Variants in MTA3 observed in about 807,000 individuals in gnomAD.
The protein encoded by MTA3 is metastasis associated 1 family member 3.
MTA3 carries 34 observed loss-of-function variants against 83.5 expected under a neutral mutation model. That is an observed-to-expected ratio of 0.41 (90% CI 0.31 to 0.54). The LOEUF is 0.54. MTA3 is among the 20% of genes least tolerant of loss of function. The pLI is 0.33. For synonymous variants in MTA3, 303 were observed against 252.7 expected (o/e 1.20, Z -1.89); for missense variants, 761 against 726.4 (o/e 1.05, Z -0.55).
At chr2:42,729,086 G>GTTTTTTGTTT (rs1430675726) in intron 16 of MTA3, among the ~76,000 whole-genome samples, 699 of 60,104 alleles carry the variant, frequency 0.012, 135 homozygotes, top group Admixed American at 0.016. Flanking sequence ...CACAGTTTGA[G>GTTTTTTGTTT]TTTTTTTTTT....
chr2:42,695,887 TTC>T lies in MTA3; in HGVS notation c.966+50_966+51del, dbSNP rs1223083569. The T allele has an allele frequency of 8.1e-6, 10 of 1,233,990 alleles. No homozygotes were observed. The South Asian group carries it at 1.3e-4, about 17-fold the overall frequency. The allele number at this position is 1,233,990 out of a possible 1,614,324, so 76.4% of individuals were successfully genotyped here. On this transcript the variant is annotated intron_variant, in intron 10 of 16. Transcript: ENST00000405094. Reference sequence around the variant, plus strand: ...CAATATGGTTGCATTTAAGTGAACTTTCTGTTTATATTTTAATATTTTTTGGC... The same window carrying T: ...CAATATGGTTGCATTTAAGTGAACTTTGTTTATATTTTAATATTTTTTGGC...
At chr2:42,524,446 G>T (rs188677734) in intron 2 of MTA3, among the ~76,000 whole-genome samples, 514 of 146,046 alleles carry the variant, frequency 3.5e-3, no homozygotes, top group South Asian at 6.1e-3. Context: ...GACTACAATT[G>T]CCCGCCACCA....
At chr2:42,558,649 GT>G (rs1227829545) in intron 2 of MTA3, among the ~76,000 whole-genome samples, 2 of 151,266 alleles carry the variant, frequency 1.3e-5, no homozygotes, top group Non-Finnish European at 2.9e-5. Context: ...CGCCTCCTGG[GT>G]TCAAGCAATT....
Position 42,711,775 on chromosome 2 carries a change from A to AGTGTGTGTGTGTGTGTGTGT in MTA3, c.1525+2680_1525+2681insTGTGTGTGTGTGTGTGTGTG, listed in dbSNP as rs372997456. Among the ~76,000 whole-genome samples the AGTGTGTGTGTGTGTGTGTGT allele has an allele frequency of 1.1e-3, 147 of 139,488 alleles. 2 individuals are homozygous for AGTGTGTGTGTGTGTGTGTGT. Among genetic ancestry groups the AGTGTGTGTGTGTGTGTGTGT allele is most frequent in the African/African-American group, 4.0e-3 (143 of 35,480 alleles). 91.5% of individuals were successfully genotyped at this position (139,488 alleles called of 152,430 possible). A position where few individuals can be genotyped will look rare whatever the true frequency, so the allele number is the denominator to read the frequency against. On this transcript the variant is annotated intron_variant, in intron 14 of 16. Coordinates refer to ENST00000405094, the MANE Select transcript of MTA3 (RefSeq NM_001330442.2). Reference sequence around the variant, plus strand: ...GTGATCTACTGGGAGTGTATAGGAGAGAGAGAGAGTGTGTGTGTGTGTGTG... The same window carrying AGTGTGTGTGTGTGTGTGTGT: ...GTGATCTACTGGGAGTGTATAGGAGAGTGTGTGTGTGTGTGTGTGTGAGAGAGAGTGTGTGTGTGTGTGTG...
At chr2:42,645,157 C>G (rs1274162097) in intron 6 of MTA3, among the ~76,000 whole-genome samples, 1 of 122,458 alleles carries the variant, frequency 8.2e-6, no homozygotes, top group African/African-American at 3.2e-5. Context: ...GCCTGGGTGA[C>G]AGAGTGAGAC....
chr2:42,707,172 G>A (rs1413527287), intron 12 of MTA3, among the ~76,000 whole-genome samples: 2 of 151,940 alleles, frequency 1.3e-5, no homozygotes, highest in African/African-American at 4.8e-5. Context: ...TTATCAATGA[G>A]ACCTCCCTGA....
At chr2:42,619,636 T>C (rs763863919) in intron 4 of MTA3, among the ~76,000 whole-genome samples, 1 of 152,092 alleles carries the variant, frequency 6.6e-6, no homozygotes, top group Non-Finnish European at 1.5e-5. Context: ...CTCAGCAGGA[T>C]TGTGTGTGTA....
chr2:42,686,559 T>C (rs930570533), intron 9 of MTA3, among the ~76,000 whole-genome samples: 7 of 149,902 alleles, frequency 4.7e-5, no homozygotes, highest in Non-Finnish European at 8.9e-5. Flanking sequence ...GCATGGTGGC[T>C]CATGCCTGTA....
At chr2:42,693,226 G>A (rs1012046797) in intron 9 of MTA3, among the ~76,000 whole-genome samples, 9 of 152,016 alleles carry the variant, frequency 5.9e-5, no homozygotes, top group African/African-American at 1.7e-4. Context: ...CATGCCTGTC[G>A]TAACTGCTCA....
At chr2:42,594,471 C>G (rs1558472360) in intron 3 of MTA3, among the ~76,000 whole-genome samples, 1 of 150,658 alleles carries the variant, frequency 6.6e-6, no homozygotes, top group Non-Finnish European at 1.5e-5. Context: ...CTCCTGACCT[C>G]AGGTGATCCA....
At chr2:42,504,965 TTCTCCCCATCACCAC>T (rs1305217982) in intron 2 of MTA3, among the ~76,000 whole-genome samples, 1 of 152,158 alleles carries the variant, frequency 6.6e-6, no homozygotes, top group Admixed American at 6.6e-5. Context: ...GGGATGACCC[TTCTCCCCATCACCAC>T]TCTGTGGACC....
rs1031498343 is a variant in MTA3, at chr2:42,697,854, T to C, written c.1025+20T>C. 1 of 1,473,614 alleles carries C rather than the reference T, an allele frequency of 6.8e-7. No individual in the cohort carries two copies. The highest frequency in any genetic ancestry group is 1.4e-5 in the African/African-American group (1 of 70,330). The allele number at this position is 1,473,614 out of a possible 1,614,324, so 91.3% of individuals were successfully genotyped here. On this transcript the variant is annotated intron_variant, in intron 11 of 16. Transcript: ENST00000405094. Reference sequence around the variant, plus strand: ...AACCTAGTAAGTAATTGAAATCTTTTAAAATATTTGTTTTGGTCTTAATTT... The same window carrying C: ...AACCTAGTAAGTAATTGAAATCTTTCAAAATATTTGTTTTGGTCTTAATTT...
At chr2:42,602,844 A>T (rs2104010117) in intron 3 of MTA3, among the ~76,000 whole-genome samples, 1 of 152,236 alleles carries the variant, frequency 6.6e-6, no homozygotes, top group East Asian at 1.9e-4. Flanking sequence ...TACCAAAGAC[A>T]GGGGCCCAGC....
At chr2:42,528,072 G>A (rs535747229) in intron 2 of MTA3, among the ~76,000 whole-genome samples, 14 of 150,252 alleles carry the variant, frequency 9.3e-5, no homozygotes, top group Admixed American at 6.0e-4. Flanking sequence ...CTACAGGCAC[G>A]TGCCACCATG....
At position 42,755,018 on chromosome 2, in the gene MTA3, C is replaced by G; in HGVS notation, c.*1619C>G. 1.0e-6 allele frequency: 1 copy of G among 985,624 alleles called. No homozygotes were observed. The highest frequency in any genetic ancestry group is 4.7e-5 in the South Asian group (1 of 21,284). The allele number at this position is 985,624 out of a possible 1,614,324, so 61.1% of individuals were successfully genotyped here. On this transcript the variant is annotated 3_prime_UTR_variant, in exon 17 of 17. Coordinates refer to ENST00000405094, the MANE Select transcript of MTA3 (RefSeq NM_001330442.2). ...CTGTGCTGGGTCTTGGCTTGGGGCG[C>G]TGAGGGTGGGGCCTGTGTCAGAAGC...
chr2:42,705,347 T>G (rs1665984051), intron 12 of MTA3, among the ~76,000 whole-genome samples: 1 of 152,228 alleles, frequency 6.6e-6, no homozygotes, highest in Non-Finnish European at 1.5e-5. Flanking sequence ...TTGTAGTTCA[T>G]GTATATTCAA....
intron 4 of MTA3, among the ~76,000 whole-genome samples, chr2:42,617,029 A>G (rs1250788643): frequency 6.6e-6 from 1 of 152,194 alleles, no homozygotes; most frequent in Non-Finnish European, 1.5e-5. Flanking sequence ...AGAGAATAGG[A>G]AAGCTTTTTT....
intron 2 of MTA3, among the ~76,000 whole-genome samples, chr2:42,508,813 A>G (rs939759938): frequency 2.0e-5 from 3 of 146,708 alleles, no homozygotes; most frequent in Non-Finnish European, 3.0e-5. Flanking sequence ...TGTAAATTAT[A>G]TATGATATAT....
At chr2:42,539,127 C>T (rs540549750) in intron 2 of MTA3, among the ~76,000 whole-genome samples, 37 of 152,238 alleles carry the variant, frequency 2.4e-4, no homozygotes, top group African/African-American at 8.9e-4. Flanking sequence ...CCTCTCTGTG[C>T]CTAAAATTAT....
Sources: allele counts gnomAD v4.1 joint callset (sites outside exome capture counted in the v4.1 genomes callset), GRCh38; gene constraint gnomAD v4.1.1; transcripts MANE v1.5; gene names NCBI Gene and HGNC (gene_info 2026-07-23, HGNC 2026-07-21).